AGMO: variants seen among roughly 807,000 people sequenced by gnomAD.
AGMO encodes the protein alkylglycerol monooxygenase, also known as glyceryl-ether monooxygenase.
In AGMO, 75 loss-of-function variants were observed where a neutral mutation model predicts 60.2. The ratio of observed to expected loss-of-function variants is 1.25; its 90% CI spans 1.03 to 1.51. The LOEUF (loss-of-function observed/expected upper bound fraction) is 1.51. Among genes scored for constraint, AGMO ranks in the 40% most tolerant of loss-of-function variants. The probability of loss-of-function intolerance (pLI) is 0.00; values close to 1 mark genes in which losing one functional copy is unlikely to be tolerated. For missense variants in AGMO, 763 were observed against 525.5 expected (o/e 1.45, Z -4.42); for synonymous variants, 261 against 177.1 (o/e 1.47, Z -3.76).
intron 3 of AGMO, among the ~76,000 whole-genome samples, chr7:15,448,756 G>GA (rs1362348254): frequency 6.6e-6 from 1 of 152,016 alleles, no homozygotes; most frequent in Non-Finnish European, 1.5e-5. Flanking sequence ...AGTAAAGACT[G>GA]AAAAAATGTG....
At position 15,482,116 on chromosome 7, in the gene AGMO, G is replaced by GA. The variant is rs368577015; in HGVS notation, c.410-51009dup. Among the ~76,000 whole-genome samples, 404 of 148,250 alleles carry GA rather than the reference G, an allele frequency of 2.7e-3. 4 individuals are homozygous for GA. The highest frequency in any genetic ancestry group is 9.2e-3 in the African/African-American group (373 of 40,458). On this transcript the variant is annotated intron_variant, in intron 3 of 12. Coordinates refer to ENST00000342526, the MANE Select transcript of AGMO (RefSeq NM_001004320.2). ...TATCCATATCCACATGAAAAAATCA[G>GA]AAAAAAAGAAAATGAAACAGAAAAA...
intron 12 of AGMO, among the ~76,000 whole-genome samples, chr7:15,220,115 A>C (rs2128496590): frequency 6.6e-6 from 1 of 151,902 alleles, no homozygotes; most frequent in East Asian, 1.9e-4. Context: ...GCTTCCTCTA[A>C]GTCCTTAGAA....
chr7:15,503,184 G>C (rs1583621567), intron 3 of AGMO, among the ~76,000 whole-genome samples: 1 of 151,988 alleles, frequency 6.6e-6, no homozygotes, highest in East Asian at 1.9e-4. Context: ...GATGAGATGA[G>C]CCAGGTTAGA....
the AGMO span, among the ~76,000 whole-genome samples, chr7:15,155,856 G>A: frequency 6.6e-6 from 1 of 152,118 alleles, no homozygotes; most frequent in Admixed American, 6.6e-5. Flanking sequence ...TGTGGAATAA[G>A]TTGCCTTTAG....
intron 10 of AGMO, among the ~76,000 whole-genome samples, chr7:15,369,544 G>C (rs143258176): frequency 1.4e-4 from 22 of 152,056 alleles, no homozygotes; most frequent in African/African-American, 4.3e-4. Flanking sequence ...GATCATTAGG[G>C]TGCATTTCAT....
At chr7:15,334,666 T>C (rs1781597165) in intron 12 of AGMO, among the ~76,000 whole-genome samples, 1 of 152,190 alleles carries the variant, frequency 6.6e-6, no homozygotes, top group Admixed American at 6.6e-5. Flanking sequence ...CTTGCGGATA[T>C]CCCGCCAACA....
At chr7:15,124,242 T>C in the AGMO span, among the ~76,000 whole-genome samples, 2 of 151,938 alleles carry the variant, frequency 1.3e-5, no homozygotes, top group African/African-American at 2.4e-5. Flanking sequence ...TGTTTCATGA[T>C]GGCTGACTGG....
chr7:15,533,356 A>T (rs1784414144), intron 3 of AGMO, among the ~76,000 whole-genome samples: 1 of 152,134 alleles, frequency 6.6e-6, no homozygotes, highest in Non-Finnish European at 1.5e-5. Context: ...TCAAAATATT[A>T]ATCTATGACA....
At chr7:15,298,081 G>A (rs909734200) in intron 12 of AGMO, among the ~76,000 whole-genome samples, 1 of 151,590 alleles carries the variant, frequency 6.6e-6, no homozygotes, top group Non-Finnish European at 1.5e-5. Flanking sequence ...AAGAGGACAT[G>A]TTATAAACAA....
chr7:15,241,421 C>T (rs1184698583), intron 12 of AGMO, among the ~76,000 whole-genome samples: 1 of 123,946 alleles, frequency 8.1e-6, no homozygotes, highest in Non-Finnish European at 1.6e-5. Context: ...GATAGCGCCA[C>T]TGCAGTCCAG....
At chr7:15,142,528 C>G in the AGMO span, among the ~76,000 whole-genome samples, 7 of 152,216 alleles carry the variant, frequency 4.6e-5, no homozygotes, top group South Asian at 1.2e-3. Flanking sequence ...TAAACTTTAC[C>G]TTTGGTGTTG....
rs73302377 is a variant in AGMO at position 15,385,370 on chromosome 7, T to C, written c.1074+76A>G. On this transcript the variant is annotated intron_variant, in intron 10 of 12. Coordinates refer to ENST00000342526, the MANE Select transcript of AGMO (RefSeq NM_001004320.2). Reference sequence around the variant, plus strand: ...TACAGAGAATATATGACAGCCTTAATATGGGGAGCTTATTTTCATTTTCAA... The same window carrying C: ...TACAGAGAATATATGACAGCCTTAACATGGGGAGCTTATTTTCATTTTCAA... The C allele has an allele frequency of 3.6e-3, 3,567 of 989,810 alleles. 62 individuals are homozygous for C. The African/African-American group carries it at 0.047, about 13-fold the overall frequency. 61.3% of individuals were successfully genotyped at this position (989,810 alleles called of 1,614,324 possible). A position where few individuals can be genotyped will look rare whatever the true frequency, so the allele number is the denominator to read the frequency against.
In AGMO at chr7:15,230,185, C is replaced by T. The variant is rs559200454; in HGVS notation, c.1264-28826G>A. ...TAAGAAGAAACAGTAATACCAGCAG[C>T]AGCATATTGGTGGCTGGATACAGAA... On this transcript the variant is annotated intron_variant, in intron 12 of 12. Transcript: ENST00000342526. Among the ~76,000 whole-genome samples, 12 of 152,176 alleles carry T rather than the reference C, an allele frequency of 7.9e-5. No individual in the cohort carries two copies. The South Asian group carries it at 1.7e-3, about 21-fold the overall frequency.
downstream of AGMO, among the ~76,000 whole-genome samples, chr7:15,196,462 T>A (rs1220023248): frequency 6.6e-6 from 1 of 152,242 alleles, no homozygotes; most frequent in Non-Finnish European, 1.5e-5. Context: ...TTAATTAACA[T>A]CTTTGCTATA....
At chr7:15,172,691 T>C in the AGMO span, among the ~76,000 whole-genome samples, 1 of 152,116 alleles carries the variant, frequency 6.6e-6, no homozygotes, top group African/African-American at 2.4e-5. Flanking sequence ...ATTAAGCTTC[T>C]CTGATGCTCC....
chr7:15,224,487 A>G (rs981668105), intron 12 of AGMO, among the ~76,000 whole-genome samples: 5 of 152,012 alleles, frequency 3.3e-5, no homozygotes, highest in Middle Eastern at 3.4e-3. Flanking sequence ...ATACAAGAAG[A>G]AGGCTATCAC....
the AGMO span, among the ~76,000 whole-genome samples, chr7:15,152,733 C>T: frequency 6.6e-6 from 1 of 152,094 alleles, no homozygotes; most frequent in Non-Finnish European, 1.5e-5. Context: ...TTTTCTTTAT[C>T]CACTCATTGA....
At chr7:15,170,958 G>C in the AGMO span, among the ~76,000 whole-genome samples, 3 of 151,928 alleles carry the variant, frequency 2.0e-5, no homozygotes, top group Admixed American at 2.0e-4. Flanking sequence ...TTAGACTTTG[G>C]TTGTGGTTTT....
chr7:15,254,841 C>T (rs1783048760), intron 12 of AGMO, among the ~76,000 whole-genome samples: 1 of 151,892 alleles, frequency 6.6e-6, no homozygotes. Flanking sequence ...CTACTATAAA[C>T]AATTTATAAC....
Sources: allele counts gnomAD v4.1 joint callset (sites outside exome capture counted in the v4.1 genomes callset), GRCh38; gene constraint gnomAD v4.1.1; transcripts MANE v1.5; gene names NCBI Gene and HGNC (gene_info 2026-07-23, HGNC 2026-07-21).